Variants in RAB8B observed in about 807,000 individuals in gnomAD.
RAB8B encodes the protein RAB8B, member RAS oncogene family.
RAB8B carries 11 observed loss-of-function variants against 32.0 expected under a neutral mutation model. That is an observed-to-expected ratio of 0.34 (90% CI 0.22 to 0.57). RAB8B has a LOEUF of 0.57. Ranked by LOEUF, RAB8B falls within the 20% of genes least tolerant of loss-of-function variation. RAB8B has a pLI of 0.86. For missense variants in RAB8B, 190 were observed against 258.5 expected (o/e 0.73, Z 1.82); for synonymous variants, 103 against 89.6 (o/e 1.15, Z -0.85).
chr15:63,203,318 T>A (rs1186208988), intron 1 of RAB8B, among the ~76,000 whole-genome samples: 1 of 152,250 alleles, frequency 6.6e-6, no homozygotes, highest in Non-Finnish European at 1.5e-5. Flanking sequence ...CTTGGGCTTT[T>A]GAGATAGAAA....
At chr15:63,262,839 T>C in intron 7 of RAB8B, 97 bp downstream of exon 7, 1 of 420,622 alleles carries the variant, frequency 2.4e-6, no homozygotes, top group Non-Finnish European at 3.9e-6. Flanking sequence ...ATTAAACTCA[T>C]TTTTTTCCTG....
intron 1 of RAB8B, among the ~76,000 whole-genome samples, chr15:63,234,372 G>A (rs2037960810): frequency 6.6e-6 from 1 of 152,190 alleles, no homozygotes; most frequent in Non-Finnish European, 1.5e-5. Flanking sequence ...ATTAATATCT[G>A]TTGACTGACT....
At chr15:63,240,259 CA>C (rs2038021239) in intron 1 of RAB8B, among the ~76,000 whole-genome samples, 1 of 152,112 alleles carries the variant, frequency 6.6e-6, no homozygotes, top group African/African-American at 2.4e-5. Flanking sequence ...GATGTTGGCA[CA>C]GTATCCTGGA....
At chr15:63,249,865 G>A (rs1174348440) in intron 3 of RAB8B, among the ~76,000 whole-genome samples, 160 bp downstream of exon 3, 14 of 152,148 alleles carry the variant, frequency 9.2e-5, no homozygotes, top group Admixed American at 2.6e-4. Context: ...GGCCGGGCGC[G>A]GTGGCTCACA....
intron 1 of RAB8B, among the ~76,000 whole-genome samples, chr15:63,235,401 T>G (rs2037969839): frequency 6.6e-6 from 1 of 152,170 alleles, no homozygotes; most frequent in Non-Finnish European, 1.5e-5. Flanking sequence ...CATACCTCCA[T>G]GTATGTTTTC....
intron 1 of RAB8B, among the ~76,000 whole-genome samples, chr15:63,226,838 A>G (rs2037892346): frequency 6.6e-6 from 1 of 152,208 alleles, no homozygotes; most frequent in Admixed American, 6.5e-5. Flanking sequence ...GCTACTCCAT[A>G]GACAGAGCTG....
Position 63,237,745 on chromosome 15 carries a change from C to T in RAB8B, c.125-7011C>T, listed in dbSNP as rs550353510. On this transcript the variant is annotated intron_variant, in intron 1 of 7. Transcript: ENST00000321437. ...AGAAGCTTTTTAACTTGATGTGATC[C>T]TGTTTGTTCATTTTTGCATTGGTTG... Among the ~76,000 whole-genome samples, 6 of 152,026 alleles carry T rather than the reference C, an allele frequency of 3.9e-5. 1 individual carries two copies. In the East Asian group the frequency reaches 7.7e-4, roughly 20 times the overall value.
At position 63,259,701 on chromosome 15, in the gene RAB8B, GA is replaced by G; in HGVS notation, c.480+12del. 1 of 1,612,564 alleles carries G rather than the reference GA, an allele frequency of 6.2e-7. No homozygotes were observed. Among genetic ancestry groups the G allele is most frequent in the Non-Finnish European group, 8.5e-7 (1 of 1,178,566 alleles). ...GTGCAAATGTAGAAGAGGTAAGAAG[GA>G]AACGTTTGGTGACTGTTACGGAGCA... On this transcript the variant is annotated intron_variant, in intron 6 of 7. Coordinates refer to ENST00000321437, the MANE Select transcript of RAB8B (RefSeq NM_016530.3). The surrounding 1 kb of genome is among the most constrained non-coding windows in gnomAD (Gnocchi z 4.4).
At chr15:63,224,360 A>G (rs550938525) in intron 1 of RAB8B, among the ~76,000 whole-genome samples, 5 of 152,296 alleles carry the variant, frequency 3.3e-5, no homozygotes, top group African/African-American at 7.2e-5. Context: ...CAGGTATCCA[A>G]ACTTTTTTAG....
At chr15:63,202,072 T>G (rs1369066195) in intron 1 of RAB8B, among the ~76,000 whole-genome samples, 3 of 122,022 alleles carry the variant, frequency 2.5e-5, no homozygotes, top group South Asian at 2.6e-4. Flanking sequence ...GCTAACACGG[T>G]GAAACCCCGT....
chr15:63,189,787 TG>T, intron 1 of RAB8B, 39 bp downstream of exon 1: 2 of 263,698 alleles, frequency 7.6e-6, no homozygotes, highest in East Asian at 1.3e-4. Context: ...GGTAGAGAAT[TG>T]GGGGGCGGGT....
intron 6 of RAB8B, among the ~76,000 whole-genome samples, chr15:63,260,311 A>T (rs1383489996): frequency 2.6e-5 from 4 of 152,214 alleles, no homozygotes; most frequent in African/African-American, 9.6e-5. Flanking sequence ...GTGCTCATTC[A>T]TGTCACCCTG....
chr15:63,233,233 A>T lies in RAB8B; in HGVS notation c.125-11523A>T, dbSNP rs529088136. The stretch of plus-strand genomic sequence containing the variant: ...TGCCACCACATCCAGCTAATTTTTA[A>T]TTTTTTTTTTTTTAGAGGTGGGGTC... On this transcript the variant is annotated intron_variant, in intron 1 of 7. Coordinates refer to ENST00000321437, the MANE Select transcript of RAB8B (RefSeq NM_016530.3). Among the ~76,000 whole-genome samples the T allele has an allele frequency of 6.3e-5, 9 of 142,998 alleles. No individual in the cohort carries two copies. The East Asian group carries it at 1.8e-3, about 29-fold the overall frequency. 93.8% of individuals were successfully genotyped at this position (142,998 alleles called of 152,430 possible).
chr15:63,235,096 G>T (rs2037967269), intron 1 of RAB8B, among the ~76,000 whole-genome samples: 1 of 152,102 alleles, frequency 6.6e-6, no homozygotes, highest in African/African-American at 2.4e-5. Context: ...ACATGTGAAG[G>T]CATGCATTCA....
intron 2 of RAB8B, among the ~76,000 whole-genome samples, chr15:63,247,622 A>G (rs1033307792): frequency 1.3e-5 from 2 of 152,216 alleles, no homozygotes; most frequent in Non-Finnish European, 1.5e-5. Context: ...ATGTGTATTG[A>G]TGACAGCAGT....
intron 1 of RAB8B, among the ~76,000 whole-genome samples, chr15:63,221,696 C>T (rs2141122141): frequency 6.6e-6 from 1 of 152,326 alleles, no homozygotes; most frequent in South Asian, 2.1e-4. Flanking sequence ...TGGACTTCTC[C>T]TTCAGGACCA....
rs567376292 is a variant in RAB8B at position 63,265,137 on chromosome 15, T to G, written c.*1518T>G. On this transcript the variant is annotated 3_prime_UTR_variant, in exon 8 of 8. Transcript: ENST00000321437. This position sits in a 1 kb window ranked among gnomAD's most constrained non-coding sequence, Gnocchi z 4.9. ...AATTATTCTTCCTGGTATGCCTGTT[T>G]TGCTTCACAAAGGCTACTATCATGC... 6.5e-6 allele frequency: 1 copy of G among 152,686 alleles called. No individual in the cohort carries two copies. Among genetic ancestry groups the G allele is most frequent in the African/African-American group, 2.4e-5 (1 of 41,576 alleles). 9.5% of individuals were successfully genotyped at this position (152,686 alleles called of 1,614,324 possible). A position where few individuals can be genotyped will look rare whatever the true frequency, so the allele number is the denominator to read the frequency against.
rs1274308898 is a variant in RAB8B, at chr15:63,259,063, G to A, written c.415-564G>A. ...GGGTGGGTATTTATCCCATATTAGA[G>A]AACTAAAAGTACAAAAACAGAAAAA... On this transcript the variant is annotated intron_variant, in intron 5 of 7. Coordinates refer to ENST00000321437, the MANE Select transcript of RAB8B (RefSeq NM_016530.3). The surrounding 1 kb of genome is among the most constrained non-coding windows in gnomAD (Gnocchi z 4.4). Among the ~76,000 whole-genome samples the A allele has an allele frequency of 6.6e-6, 1 of 151,794 alleles. No homozygotes were observed. Among genetic ancestry groups the A allele is most frequent in the Non-Finnish European group, 1.5e-5 (1 of 67,932 alleles).
rs756914670 is a variant in RAB8B, at chr15:63,189,639, C to T, written c.15C>T (p.Tyr5=). The change falls in exon 1 of 8, where the codon TAC becomes TAT. Residue 5 remains tyrosine (Y), a synonymous_variant. Transcript: ENST00000321437. The part of the protein sequence containing the change: MAKT[Y]DYLFKLLLIG... ...GGAGCGAGAAGATGGCGAAGACGTA[C>T]GATTATCTCTTCAAGCTCCTGCTGA... 3.4e-5 allele frequency: 55 copies of T among 1,613,688 alleles called. No individual in the cohort carries two copies. Among genetic ancestry groups the T allele is most frequent in the Non-Finnish European group, 4.6e-5 (54 of 1,179,852 alleles).
Sources: gnomAD v4.1 joint callset for allele counts (sites outside exome capture counted in the v4.1 genomes callset) on GRCh38, gnomAD v4.1.1 for gene constraint, Gnocchi (gnomAD v3.1) non-coding constraint, MANE v1.5 for transcripts, NCBI Gene and HGNC (gene_info 2026-07-23, HGNC 2026-07-21) for gene names.